Variants in CYP7B1 observed in about 807,000 individuals in gnomAD.
CYP7B1 encodes the protein cytochrome P450 family 7 subfamily B member 1.
A neutral mutation model predicts 42.7 loss-of-function variants in CYP7B1; 29 were observed. The ratio of observed to expected loss-of-function variants is 0.68; its 90% confidence interval spans 0.51 to 0.93. The LOEUF is 0.93. Among genes scored for constraint, CYP7B1 ranks in the 40% least tolerant of loss-of-function variants. The probability of loss-of-function intolerance (pLI) is 0.00; values close to 1 mark genes in which losing one functional copy is unlikely to be tolerated. For missense variants in CYP7B1, 655 were observed against 600.5 expected (o/e 1.09, Z -0.95); for synonymous variants, 235 against 218.2 (o/e 1.08, Z -0.68).
At chr8:64,588,455 A>G (rs1804996613), downstream of CYP7B1, among the ~76,000 whole-genome samples, 1 of 152,212 alleles carries the variant, frequency 6.6e-6, no homozygotes, top group Non-Finnish European at 1.5e-5. Flanking sequence ...TTTTTTTATT[A>G]GGAGGATGGT....
In CYP7B1 at chr8:64,616,131, T is replaced by C. The variant is rs116784513; in HGVS notation, c.410A>G (p.Glu137Gly). 6.2e-7 allele frequency: 1 copy of C among 1,613,698 alleles called. No individual in the cohort carries two copies. Among genetic ancestry groups the C allele is most frequent in the Non-Finnish European group, 8.5e-7 (1 of 1,179,792 alleles). Residue 137 changes from glutamate to glycine, a missense_variant, in exon 3 of 6, where the codon GAG (glutamate) becomes GGG (glycine). Physicochemically the swap from Glu to Gly is moderately conservative, Grantham distance 98 (BLOSUM62 -2). Coordinates refer to ENST00000310193, the MANE Select transcript of CYP7B1 (RefSeq NM_004820.5). ...QLQKNHDMND[E>G]LHLCYQFLQG... is the part of the protein sequence containing the mutation. ...CAAAAATTGATAGCAGAGGTGAAGCTCATCATTCATGTCATGATTTTTTTG... is the reference window on the plus strand; with the variant it reads ...CAAAAATTGATAGCAGAGGTGAAGCCCATCATTCATGTCATGATTTTTTTG...
intron 1 of CYP7B1, among the ~76,000 whole-genome samples, chr8:64,683,755 A>T (rs182755578): frequency 2.1e-4 from 32 of 152,272 alleles, no homozygotes; most frequent in Admixed American, 1.6e-3. Context: ...AAATAAAAAT[A>T]AACAGTGTAT....
At chr8:64,589,530 T>C (rs1805008475), downstream of CYP7B1, among the ~76,000 whole-genome samples, 1 of 152,170 alleles carries the variant, frequency 6.6e-6, no homozygotes, top group Non-Finnish European at 1.5e-5. Flanking sequence ...TTAAATAAAC[T>C]CATTAGTCCT....
At chr8:64,673,985 G>A (rs16931371) in intron 1 of CYP7B1, among the ~76,000 whole-genome samples, 92,485 of 151,856 alleles carry the variant, frequency 0.61, 28,828 homozygotes, top group African/African-American at 0.74. Flanking sequence ...GGTCTTGAAG[G>A]ATGCCCAGCA....
chr8:64,707,638 C>A (rs1213395572), intron 1 of CYP7B1, among the ~76,000 whole-genome samples: 1 of 152,050 alleles, frequency 6.6e-6, no homozygotes, highest in East Asian at 1.9e-4. Context: ...TCAGTTATCA[C>A]CAAATTAGAC....
In CYP7B1 at chr8:64,691,486, G is replaced by GGC. The variant is rs1554532289; in HGVS notation, c.123-66948_123-66947insGC. On this transcript the variant is annotated intron_variant, in intron 1 of 5. Coordinates refer to ENST00000310193, the MANE Select transcript of CYP7B1 (RefSeq NM_004820.5). ...ACGTATGGTTGCGATGGCAACTGGG[G>GGC]GGGGGGGGTGGTGGTTAAAGCTGGA... Among the ~76,000 whole-genome samples the GGC allele has an allele frequency of 1.1e-4, 16 of 149,700 alleles. 1 individual carries two copies. Among genetic ancestry groups the GGC allele is most frequent in the East Asian group, 9.8e-4 (5 of 5,096 alleles).
At chr8:64,627,897 A>G (rs537111044) in intron 1 of CYP7B1, among the ~76,000 whole-genome samples, 1 of 152,306 alleles carries the variant, frequency 6.6e-6, no homozygotes, top group East Asian at 1.9e-4. Context: ...TTTAGGGAGG[A>G]AAGACATCAC....
chr8:64,774,917 C>T (rs1425958291), intron 1 of CYP7B1, among the ~76,000 whole-genome samples: 2 of 152,176 alleles, frequency 1.3e-5, no homozygotes, highest in African/African-American at 2.4e-5. Flanking sequence ...ACCTCCTTAA[C>T]TCTGATTCTA....
chr8:64,720,519 G>T (rs921375308), intron 1 of CYP7B1, among the ~76,000 whole-genome samples: 1 of 152,140 alleles, frequency 6.6e-6, no homozygotes, highest in South Asian at 2.1e-4. Flanking sequence ...TGGTTACTTA[G>T]ATACACAGAC....
chr8:64,683,860 C>T (rs1000390446), intron 1 of CYP7B1, among the ~76,000 whole-genome samples: 2 of 152,044 alleles, frequency 1.3e-5, no homozygotes, highest in African/African-American at 4.8e-5. Flanking sequence ...GGGGCATTTG[C>T]ACCCGCAGGT....
chr8:64,690,363 A>C (rs1056397385), intron 1 of CYP7B1, among the ~76,000 whole-genome samples: 4 of 152,208 alleles, frequency 2.6e-5, no homozygotes, highest in Non-Finnish European at 4.4e-5. Flanking sequence ...TGATCGCACC[A>C]CTGCACTCCA....
chr8:64,596,746 C>A lies in CYP7B1; in HGVS notation c.1417G>T (p.Glu473Ter). ...LVILLTYFDL[E>*]IIDDKPIGLN... is the part of the protein sequence containing the mutation. ...CCTATGGGCTTATCATCAATTATTT[C>A]TAAATCAAAATAAGTTAAAAGTATA... Residue 473 changes from glutamate (E) to a stop codon, truncating the protein, a stop_gained, in exon 6 of 6, where the codon GAA becomes TAA. Coordinates refer to ENST00000310193, the MANE Select transcript of CYP7B1 (RefSeq NM_004820.5). LOFTEE classifies it low-confidence loss of function (END_TRUNC). 2 of 1,613,818 alleles carry A rather than the reference C, an allele frequency of 1.2e-6. No homozygotes were observed. Among genetic ancestry groups the A allele is most frequent in the Non-Finnish European group, 1.7e-6 (2 of 1,179,822 alleles).
intron 1 of CYP7B1, among the ~76,000 whole-genome samples, chr8:64,713,624 G>A (rs1807112937): frequency 6.6e-6 from 1 of 152,000 alleles, no homozygotes; most frequent in Non-Finnish European, 1.5e-5. Flanking sequence ...TGTAGAAGAA[G>A]AGATCAGTCA....
intron 1 of CYP7B1, among the ~76,000 whole-genome samples, chr8:64,727,516 A>T (rs572061560): frequency 6.6e-6 from 1 of 152,332 alleles, no homozygotes; most frequent in South Asian, 2.1e-4. Context: ...CAAAGGACCT[A>T]AGTTTTTGAA....
intron 1 of CYP7B1, among the ~76,000 whole-genome samples, chr8:64,649,967 T>A (rs1394385777): frequency 2.0e-5 from 3 of 152,242 alleles, no homozygotes; most frequent in African/African-American, 7.2e-5. Context: ...TAACACATCA[T>A]CAGACATATA....
At chr8:64,788,383 G>A (rs1804563207) in intron 1 of CYP7B1, among the ~76,000 whole-genome samples, 1 of 152,144 alleles carries the variant, frequency 6.6e-6, no homozygotes, top group Non-Finnish European at 1.5e-5. Flanking sequence ...TTCAACCAGG[G>A]GGCAATATCT....
chr8:64,774,842 CCTCAGAGGTAAAATAACTTGTGAGAAGT>C (rs1212662583), intron 1 of CYP7B1, among the ~76,000 whole-genome samples: 1 of 152,152 alleles, frequency 6.6e-6, no homozygotes, highest in Non-Finnish European at 1.5e-5. Context: ...CTTCTTCTAT[CCTCAGAGGTAAAATAACTTGTGAGAAGT>C]CTCACCTCAA....
chr8:64,691,339 G>A (rs1359284801), intron 1 of CYP7B1, among the ~76,000 whole-genome samples: 1 of 151,984 alleles, frequency 6.6e-6, no homozygotes, highest in Non-Finnish European at 1.5e-5. Flanking sequence ...AAACCAAATG[G>A]CTACCTACCT....
chr8:64,675,360 T>A (rs572735505), intron 1 of CYP7B1, among the ~76,000 whole-genome samples: 1 of 151,648 alleles, frequency 6.6e-6, no homozygotes, highest in African/African-American at 2.4e-5. Context: ...TTTATTTATA[T>A]TTAAAATTTT....
Sources: gnomAD v4.1 joint callset for allele counts (sites outside exome capture counted in the v4.1 genomes callset) on GRCh38, gnomAD v4.1.1 for gene constraint, MANE v1.5 for transcripts, NCBI Gene and HGNC (gene_info 2026-07-23, HGNC 2026-07-21) for gene names.